The following WDR31 variants were observed in gnomAD, a reference collection of about 807,000 sequenced individuals.
WDR31 encodes the protein WD repeat domain 31.
Under a neutral mutation model 47.3 loss-of-function variants are expected in WDR31, and 30 were observed. The observed-to-expected ratio is 0.63, with a 90% CI of 0.47 to 0.86. The LOEUF (loss-of-function observed/expected upper bound fraction) is 0.86. Among genes scored for constraint, WDR31 ranks in the 40% least tolerant of loss-of-function variants. WDR31 has a pLI of 0.00. For missense variants in WDR31, 406 were observed against 442.9 expected (o/e 0.92, Z 0.75); for synonymous variants, 137 against 159.4 (o/e 0.86, Z 1.06).
chr9:113,322,851 G>A lies in WDR31; in HGVS notation c.530C>T (p.Thr177Ile), dbSNP rs747326147. 12 of 1,613,988 alleles carry A rather than the reference G, an allele frequency of 7.4e-6. No homozygotes were observed. Among genetic ancestry groups the A allele is most frequent in the Non-Finnish European group, 8.5e-6 (10 of 1,180,034 alleles). The stretch of plus-strand genomic sequence containing the variant: ...AGATGCTCTTTCCACACTCTGTCCT[G>A]TCACCACATCCCACAGAAGCAGGGT... ...DNTLLLWDVV[T>I]GQSVERASVS... The change falls in exon 7 of 11, where the codon ACA becomes ATA. Residue 177 changes from threonine (T) to isoleucine (I), a missense_variant. By Grantham distance (89) the Thr-to-Ile change is moderately conservative. Transcript: ENST00000374193.
At chr9:113,329,104 G>C (rs1359308137) in intron 4 of WDR31, 149 bp from the exon 5 acceptor site, 1 of 688,936 alleles carries the variant, frequency 1.5e-6, no homozygotes, top group Non-Finnish European at 2.5e-6. Context: ...CCCTGTTGTG[G>C]CCGTCCCTCC....
chr9:113,333,062 C>A (rs1036027759), intron 2 of WDR31, among the ~76,000 whole-genome samples: 4 of 152,124 alleles, frequency 2.6e-5, no homozygotes, highest in Non-Finnish European at 4.4e-5. Context: ...GCCAAATAAA[C>A]TGCTTTTCTT....
chr9:113,334,962 C>T lies in WDR31; in HGVS notation c.-29+1326G>A, dbSNP rs575414346. On this transcript the variant is annotated intron_variant, in intron 2 of 10. Coordinates refer to ENST00000374193, the MANE Select transcript of WDR31 (RefSeq NM_001012361.4). The stretch of plus-strand genomic sequence containing the variant: ...AGCAGGATTCGAACTCAATCTATAA[C>T]CTACATAAACAAAACCTCTTTGGGG... 8.8e-4 allele frequency among the ~76,000 whole-genome samples: 134 copies of T among 152,160 alleles called. 1 individual carries two copies. Among genetic ancestry groups the T allele is most frequent in the African/African-American group, 3.1e-3 (129 of 41,498 alleles).
At chr9:113,323,252 C>T (rs1588042416) in intron 5 of WDR31, 97 bp from the exon 6 acceptor site, 2 of 1,401,304 alleles carry the variant, frequency 1.4e-6, no homozygotes, top group East Asian at 4.6e-5. Flanking sequence ...TAACTCCCTC[C>T]CCACACACAC....
At chr9:113,335,535 G>A (rs1481444101) in intron 2 of WDR31, among the ~76,000 whole-genome samples, 1 of 152,216 alleles carries the variant, frequency 6.6e-6, no homozygotes, top group African/African-American at 2.4e-5. Flanking sequence ...ACTGTTTACA[G>A]AAGAGAACAG....
rs768429294 is a variant in WDR31 at position 113,322,871 on chromosome 9, C to T, written c.510G>A (p.Leu170=). 3.1e-6 allele frequency: 5 copies of T among 1,614,162 alleles called. No homozygotes were observed. The highest frequency in any genetic ancestry group is 3.4e-6 in the Non-Finnish European group (4 of 1,180,032). ...QLCTGSRDNT[L]LLWDVVTGQS... ...GTCCTGTCACCACATCCCACAGAAG[C>T]AGGGTGTTGTCCCGAGAGCCAGTGC... Residue 170 remains leucine, a synonymous_variant, in exon 7 of 11, where the codon CTG becomes CTA. Transcript: ENST00000374193.
chr9:113,318,414 T>A (rs1034648116), intron 10 of WDR31, 61 bp downstream of exon 10: 1 of 1,599,438 alleles, frequency 6.3e-7, no homozygotes, highest in African/African-American at 1.3e-5. Context: ...AAGAAGGAGT[T>A]TTAAAGAAGG....
chr9:113,320,903 G>T (rs184962710), intron 8 of WDR31, among the ~76,000 whole-genome samples: 1,736 of 149,906 alleles, frequency 0.012, 12 homozygotes, highest in Middle Eastern at 0.037. Flanking sequence ...AGTTACAAAA[G>T]ATTTACATAC....
intron 2 of WDR31, among the ~76,000 whole-genome samples, chr9:113,333,724 G>A (rs1046265952): frequency 4.6e-5 from 7 of 151,960 alleles, no homozygotes; most frequent in African/African-American, 1.4e-4. Flanking sequence ...ACCTCTCAGT[G>A]TGCCAGAATC....
chr9:113,318,425 T>G (rs1833255365), intron 10 of WDR31, 50 bp downstream of exon 10: 1 of 1,609,382 alleles, frequency 6.2e-7, no homozygotes, highest in South Asian at 1.1e-5. Context: ...TTAAAGAAGG[T>G]TTTAGGACTT....
chr9:113,315,284 T>C lies in WDR31; in HGVS notation c.*1465A>G, dbSNP rs1392111556. On this transcript the variant is annotated 3_prime_UTR_variant, in exon 11 of 11. Transcript: ENST00000374193. ...TAAGGAGGGAGGATTGATTGAGCCC[T>C]GGTGATTGAGGCTGCAGTTAGCCAT... The C allele has an allele frequency of 6.6e-6, 1 of 151,970 alleles. No homozygotes were observed. The highest frequency in any genetic ancestry group is 2.4e-5 in the African/African-American group (1 of 41,362). 9.4% of individuals were successfully genotyped at this position (151,970 alleles called of 1,614,324 possible). A position where few individuals can be genotyped will look rare whatever the true frequency, so the allele number is the denominator to read the frequency against.
At chr9:113,337,436 G>T (rs953765160) in intron 1 of WDR31, among the ~76,000 whole-genome samples, 1 of 150,188 alleles carries the variant, frequency 6.7e-6, no homozygotes, top group African/African-American at 2.4e-5. Context: ...CATGACATTC[G>T]AAGGAAATAT....
chr9:113,318,245 G>A (rs2118769578), intron 10 of WDR31, among the ~76,000 whole-genome samples: 1 of 152,292 alleles, frequency 6.6e-6, no homozygotes, highest in South Asian at 2.1e-4. Flanking sequence ...AGAACTTCAG[G>A]TAGAAAGAAT....
At position 113,329,665 on chromosome 9, in the gene WDR31, G is replaced by A. The variant is rs574421350; in HGVS notation, c.250-710C>T. ...ACTTCGATGCATCCTGATTTCAGAAGTGTTAAAATGTGAAAAGTGAAAACA... is the reference window on the plus strand; with the variant it reads ...ACTTCGATGCATCCTGATTTCAGAAATGTTAAAATGTGAAAAGTGAAAACA... On this transcript the variant is annotated intron_variant, in intron 4 of 10. Coordinates refer to ENST00000374193, the MANE Select transcript of WDR31 (RefSeq NM_001012361.4). Among the ~76,000 whole-genome samples, 11 of 150,520 alleles carry A rather than the reference G, an allele frequency of 7.3e-5. No individual in the cohort carries two copies. In the East Asian group the frequency reaches 2.2e-3, roughly 30 times the overall value.
rs113915933 is a variant in WDR31, at chr9:113,322,696, A to G, written c.570+115T>C. ...TCTCACAGCAGGTTAGGGGACAGCA[A>G]TTGGGACCCAGGCTCTAATTTCTGC... On this transcript the variant is annotated intron_variant, in intron 7 of 10. Coordinates refer to ENST00000374193, the MANE Select transcript of WDR31 (RefSeq NM_001012361.4). 232 of 1,012,850 alleles carry G rather than the reference A, an allele frequency of 2.3e-4. 1 individual carries two copies. In the African/African-American group the frequency reaches 3.2e-3, roughly 14 times the overall value. 62.7% of individuals were successfully genotyped at this position (1,012,850 alleles called of 1,614,324 possible). A position where few individuals can be genotyped will look rare whatever the true frequency, so the allele number is the denominator to read the frequency against.
At chr9:113,317,990 G>A (rs1833245593) in intron 10 of WDR31, among the ~76,000 whole-genome samples, 1 of 152,244 alleles carries the variant, frequency 6.6e-6, no homozygotes, top group South Asian at 2.1e-4. Flanking sequence ...CCAGGACTCT[G>A]GGGAGCTGGG....
rs1286329382 is a variant in WDR31, at chr9:113,316,683, G to T, written c.*66C>A. Reference sequence around the variant, plus strand: ...ATCCCACTCCCCTCAAGATAACTGGGAAAGACACAAAGCCATGCTGAGGAG... The same window carrying T: ...ATCCCACTCCCCTCAAGATAACTGGTAAAGACACAAAGCCATGCTGAGGAG... On this transcript the variant is annotated 3_prime_UTR_variant, in exon 11 of 11. Transcript: ENST00000374193. 7 of 1,545,718 alleles carry T rather than the reference G, an allele frequency of 4.5e-6. No homozygotes were observed. Among genetic ancestry groups the T allele is most frequent in the African/African-American group, 1.4e-5 (1 of 73,160 alleles).
At chr9:113,323,241 A>G (rs750374389) in intron 5 of WDR31, 86 bp from the exon 6 acceptor site, 56 of 1,473,096 alleles carry the variant, frequency 3.8e-5, no homozygotes, top group Non-Finnish European at 5.0e-5. Context: ...ATGAGTCTGC[A>G]TAACTCCCTC....
At position 113,314,159 on chromosome 9, in the gene WDR31, CA is replaced by C. The variant is rs1192704466; in HGVS notation, c.*2589del. 831 of 60,484 alleles carry C rather than the reference CA, an allele frequency of 0.014. 5 individuals are homozygous for C. Among genetic ancestry groups the C allele is most frequent in the Admixed American group, 0.049 (214 of 4,374 alleles). The allele number at this position is 60,484 out of a possible 1,614,324, so 3.7% of individuals were successfully genotyped here. On this transcript the variant is annotated 3_prime_UTR_variant, in exon 11 of 11. Coordinates refer to ENST00000374193, the MANE Select transcript of WDR31 (RefSeq NM_001012361.4). Reference sequence around the variant, plus strand: ...TGGGCGACAGAGCAAGATTCCATCTCAAAAAAAAAAAAAAAAAAAAGGATCA... The same window carrying C: ...TGGGCGACAGAGCAAGATTCCATCTCAAAAAAAAAAAAAAAAAAAGGATCA...
Sources: allele counts gnomAD v4.1 joint callset (sites outside exome capture counted in the v4.1 genomes callset), GRCh38; gene constraint gnomAD v4.1.1; transcripts MANE v1.5; gene names NCBI Gene and HGNC (gene_info 2026-07-23, HGNC 2026-07-21).